PLEKHG3: variants seen among roughly 807,000 people sequenced by gnomAD.
The protein encoded by PLEKHG3 is pleckstrin homology and RhoGEF domain containing G3.
In PLEKHG3, 62 loss-of-function variants were observed where a neutral mutation model predicts 94.9. The observed-to-expected ratio is 0.65, with a 90% CI of 0.53 to 0.81. PLEKHG3 has a LOEUF of 0.81. PLEKHG3 is among the 30% of genes least tolerant of loss of function. PLEKHG3 has a pLI of 0.00. For missense variants in PLEKHG3, 1,461 were observed against 1,619.3 expected (o/e 0.90, Z 1.68); for synonymous variants, 614 against 654.0 (o/e 0.94, Z 0.93).
intron 1 of PLEKHG3, among the ~76,000 whole-genome samples, chr14:64,705,807 C>T (rs1189778248): frequency 1.3e-5 from 2 of 152,182 alleles, no homozygotes; most frequent in Admixed American, 1.3e-4. Context: ...GTGATTAAAC[C>T]CCAGCTGTTC....
intron 1 of PLEKHG3, among the ~76,000 whole-genome samples, chr14:64,713,704 TC>T (rs2139362489): frequency 6.6e-6 from 1 of 152,322 alleles, no homozygotes; most frequent in Admixed American, 6.5e-5. Context: ...CTAAAGTCTA[TC>T]CTTAGTTCTA....
chr14:64,726,172 A>G lies in PLEKHG3; in HGVS notation c.-39-1421A>G, dbSNP rs1220655113. Among the ~76,000 whole-genome samples the G allele has an allele frequency of 6.6e-6, 1 of 152,126 alleles. No homozygotes were observed. Among genetic ancestry groups the G allele is most frequent in the Non-Finnish European group, 1.5e-5 (1 of 68,016 alleles). ...GGGACGAGATAACGCCAAGGCAGAGAGAACATTTGCAAAAGCCGGAGACCC... is the reference window on the plus strand; with the variant it reads ...GGGACGAGATAACGCCAAGGCAGAGGGAACATTTGCAAAAGCCGGAGACCC... On this transcript the variant is annotated intron_variant, in intron 1 of 16. Coordinates refer to ENST00000247226, the MANE Select transcript of PLEKHG3 (RefSeq NM_001308147.2). This position sits in a 1 kb window ranked among gnomAD's most constrained non-coding sequence, Gnocchi z 5.1.
intron 16 of PLEKHG3, 96 bp from the exon 17 acceptor site, chr14:64,742,886 C>G (rs1005708939): frequency 9.1e-6 from 11 of 1,204,468 alleles, no homozygotes; most frequent in African/African-American, 1.5e-5. Flanking sequence ...CAACAACCAG[C>G]CTTGCCTGGA....
chr14:64,729,967 G>A (rs2081428050), intron 3 of PLEKHG3, among the ~76,000 whole-genome samples: 1 of 152,236 alleles, frequency 6.6e-6, no homozygotes. Context: ...CAGAGGAGCT[G>A]TGTCCCCTCC....
chr14:64,720,945 C>G lies in PLEKHG3; in HGVS notation c.-39-6648C>G, dbSNP rs2081252825. ...TCCCTCTGCTTTTATTGTCAAACTT[C>G]TGTCTGACTCTGACTCCTGCCGGAT... On this transcript the variant is annotated intron_variant, in intron 1 of 16. Coordinates refer to ENST00000247226, the MANE Select transcript of PLEKHG3 (RefSeq NM_001308147.2). The surrounding 1 kb of genome is among the most constrained non-coding windows in gnomAD (Gnocchi z 4.1). Among the ~76,000 whole-genome samples the G allele has an allele frequency of 6.6e-6, 1 of 152,208 alleles. No homozygotes were observed.
chr14:64,743,123 C>T lies in PLEKHG3; in HGVS notation c.3080C>T (p.Thr1027Ile). The stretch of plus-strand genomic sequence containing the variant: ...CCGTCTGCTGTCAGCCAGAGGACCA[C>T]CTCGCCTGGGGGCCGGCCCTCCGCC... ...FNPSAVSQRT[T>I]SPGGRPSARS... The change falls in exon 17 of 17, where the codon ACC becomes ATC. Residue 1027 changes from threonine (T) to isoleucine (I), a missense_variant. Transcript: ENST00000247226. This position sits in a 1 kb window ranked among gnomAD's most constrained non-coding sequence, Gnocchi z 7.2. 9 of 1,612,374 alleles carry T rather than the reference C, an allele frequency of 5.6e-6. No homozygotes were observed. Among genetic ancestry groups the T allele is most frequent in the Non-Finnish European group, 7.6e-6 (9 of 1,179,972 alleles).
chr14:64,735,521 GATCAC>G (rs2081552905), intron 12 of PLEKHG3, among the ~76,000 whole-genome samples: 1 of 152,186 alleles, frequency 6.6e-6, no homozygotes, highest in African/African-American at 2.4e-5. Context: ...GAGGTGGGAG[GATCAC>G]TTGAGCCTGG....
Position 64,743,856 on chromosome 14 carries a change from T to C in PLEKHG3, c.*153T>C. On this transcript the variant is annotated 3_prime_UTR_variant, in exon 17 of 17. Transcript: ENST00000247226. The surrounding 1 kb of genome is among the most constrained non-coding windows in gnomAD (Gnocchi z 7.2). ...CCGCCCTTCAGGAAGGATGCTCCCG[T>C]GTGCAGGGGTCTCCTGCCTGTGCCA... 1 of 765,894 alleles carries C rather than the reference T, an allele frequency of 1.3e-6. No individual in the cohort carries two copies. The highest frequency in any genetic ancestry group is 2.0e-6 in the Non-Finnish European group (1 of 501,856). 47.4% of individuals were successfully genotyped at this position (765,894 alleles called of 1,614,324 possible).
Position 64,715,076 on chromosome 14 carries a change from G to A in PLEKHG3, c.-40+10372G>A, listed in dbSNP as rs894217874. Among the ~76,000 whole-genome samples, 1 of 152,180 alleles carries A rather than the reference G, an allele frequency of 6.6e-6. No individual in the cohort carries two copies. The highest frequency in any genetic ancestry group is 2.4e-5 in the African/African-American group (1 of 41,426). On this transcript the variant is annotated intron_variant, in intron 1 of 16. Coordinates refer to ENST00000247226, the MANE Select transcript of PLEKHG3 (RefSeq NM_001308147.2). The surrounding 1 kb of genome is among the most constrained non-coding windows in gnomAD (Gnocchi z 4.4). Reference sequence around the variant, plus strand: ...GTGTGGGTGGAGAAGGAAGGCCTGTGTCTTGGGGTTGTCTACTGCTGGTTA... The same window carrying A: ...GTGTGGGTGGAGAAGGAAGGCCTGTATCTTGGGGTTGTCTACTGCTGGTTA...
chr14:64,727,818 A>G lies in PLEKHG3; in HGVS notation c.187A>G (p.Asn63Asp), dbSNP rs942004206. 70 of 1,612,436 alleles carry G rather than the reference A, an allele frequency of 4.3e-5. No homozygotes were observed. Among genetic ancestry groups the G allele is most frequent in the Non-Finnish European group, 5.8e-5 (68 of 1,178,972 alleles). The change falls in exon 2 of 17, where the codon AAC becomes GAC. Residue 63 changes from asparagine to aspartate, a missense_variant. Physicochemically the swap from Asn to Asp is conservative, Grantham distance 23. Coordinates refer to ENST00000247226, the MANE Select transcript of PLEKHG3 (RefSeq NM_001308147.2). The surrounding 1 kb of genome is among the most constrained non-coding windows in gnomAD (Gnocchi z 6.0). ...AAGCCGGCATCTGCCCAACAGCAAC[A>G]ACAACTCCAGCAGCTGGTTGAACGT... ...LRSRHLPNSN[N>D]NSSSWLNVKG...
rs2081166673 is a variant in PLEKHG3, at chr14:64,716,552, A to ACACACACAC, written c.-39-11041_-39-11040insCACACACAC. ...ACACACACACACACACACACACACA[A>ACACACACAC]AGCAGAGTTAATCTCCCACTTCTTC... On this transcript the variant is annotated intron_variant, in intron 1 of 16. Transcript: ENST00000247226. The surrounding 1 kb of genome is among the most constrained non-coding windows in gnomAD (Gnocchi z 5.0). Among the ~76,000 whole-genome samples the ACACACACAC allele has an allele frequency of 1.3e-5, 1 of 74,710 alleles. No individual in the cohort carries two copies. The highest frequency in any genetic ancestry group is 2.9e-5 in the Non-Finnish European group (1 of 33,956). 49.0% of individuals were successfully genotyped at this position (74,710 alleles called of 152,430 possible).
intron 1 of PLEKHG3, among the ~76,000 whole-genome samples, chr14:64,705,156 G>T (rs927741047): frequency 3.3e-5 from 5 of 152,162 alleles, no homozygotes; most frequent in Admixed American, 1.3e-4. Context: ...GGTTGGCGCC[G>T]CACGGTGCTC....
rs1454067032 is a variant in PLEKHG3, at chr14:64,745,310, G to T, written c.*1607G>T. ...AATTTTTTTTCTAGCTGGGGCCTGG[G>T]AGGTAGAGGCTTCAGGGCCTGGGTG... On this transcript the variant is annotated 3_prime_UTR_variant, in exon 17 of 17. Transcript: ENST00000247226. The surrounding 1 kb of genome is among the most constrained non-coding windows in gnomAD (Gnocchi z 5.0). 1 of 152,246 alleles carries T rather than the reference G, an allele frequency of 6.6e-6. No individual in the cohort carries two copies. Among genetic ancestry groups the T allele is most frequent in the Non-Finnish European group, 1.5e-5 (1 of 68,062 alleles). 9.4% of individuals were successfully genotyped at this position (152,246 alleles called of 1,614,324 possible).
At chr14:64,707,000 A>C (rs2080981866) in intron 1 of PLEKHG3, among the ~76,000 whole-genome samples, 1 of 152,208 alleles carries the variant, frequency 6.6e-6, no homozygotes. Context: ...TTGCAGCTGC[A>C]CTGAGGGCTG....
rs573240907 is a variant in PLEKHG3, at chr14:64,712,229, G to C, written c.-40+7525G>C. 3.3e-5 allele frequency among the ~76,000 whole-genome samples: 5 copies of C among 152,134 alleles called. No homozygotes were observed. In the East Asian group the frequency reaches 9.6e-4, roughly 29 times the overall value. ...GTACCATATAGTCTTGATAACTATA[G>C]CTTTGTAGTAAGTTTTGAAATCAGG... On this transcript the variant is annotated intron_variant, in intron 1 of 16. Transcript: ENST00000247226.
rs200958408 is a variant in PLEKHG3 at position 64,743,127 on chromosome 14, G to A, written c.3084G>A (p.Ser1028=). 37 of 1,612,020 alleles carry A rather than the reference G, an allele frequency of 2.3e-5. No homozygotes were observed. The African/African-American group carries it at 2.4e-4, about 10-fold the overall frequency. ...NPSAVSQRTT[S]PGGRPSARSP... ...CTGCTGTCAGCCAGAGGACCACCTC[G>A]CCTGGGGGCCGGCCCTCCGCCCGGA... The change falls in exon 17 of 17, where the codon TCG becomes TCA. Residue 1028 remains serine, a synonymous_variant. Coordinates refer to ENST00000247226, the MANE Select transcript of PLEKHG3 (RefSeq NM_001308147.2). The surrounding 1 kb of genome is among the most constrained non-coding windows in gnomAD (Gnocchi z 7.2).
At chr14:64,737,969 G>C (rs2081605659) in intron 14 of PLEKHG3, 1 of 1,238,054 alleles carries the variant, frequency 8.1e-7, no homozygotes, top group Admixed American at 2.7e-5. Flanking sequence ...AGGAAGAGGA[G>C]GAGGTGGTGG....
Position 64,728,151 on chromosome 14 carries a change from T to C in PLEKHG3, c.351+169T>C, listed in dbSNP as rs1226049303. On this transcript the variant is annotated intron_variant, in intron 2 of 16. Coordinates refer to ENST00000247226, the MANE Select transcript of PLEKHG3 (RefSeq NM_001308147.2). This position sits in a 1 kb window ranked among gnomAD's most constrained non-coding sequence, Gnocchi z 5.9. ...TGACCCCTGAGGCTTCCCTAGGACC[T>C]TGGGCCAGATCAGTAGCTTGGGCCG... Among the ~76,000 whole-genome samples the C allele has an allele frequency of 2.0e-5, 3 of 152,224 alleles. No individual in the cohort carries two copies. The highest frequency in any genetic ancestry group is 7.2e-5 in the African/African-American group (3 of 41,464).
rs2081155917 is a variant in PLEKHG3, at chr14:64,716,475, ACACACAACACACACACACACAACACAC to A, written c.-39-11117_-39-11091del. On this transcript the variant is annotated intron_variant, in intron 1 of 16. Coordinates refer to ENST00000247226, the MANE Select transcript of PLEKHG3 (RefSeq NM_001308147.2). The surrounding 1 kb of genome is among the most constrained non-coding windows in gnomAD (Gnocchi z 5.0). Reference sequence around the variant, plus strand: ...ACACACACACACACACAACACACACACACACAACACACACACACACAACACACACACACACACACACACACACACACA... The same window carrying A: ...ACACACACACACACACAACACACACAACACACACACACACACACACACACA... 7.3e-6 allele frequency among the ~76,000 whole-genome samples: 1 copy of A among 136,848 alleles called. No homozygotes were observed. Among genetic ancestry groups the A allele is most frequent in the Non-Finnish European group, 1.6e-5 (1 of 64,238 alleles). The allele number at this position is 136,848 out of a possible 152,430, so 89.8% of individuals were successfully genotyped here.
Sources: allele counts gnomAD v4.1 joint callset (sites outside exome capture counted in the v4.1 genomes callset), GRCh38; gene constraint gnomAD v4.1.1; non-coding constraint Gnocchi (gnomAD v3.1); transcripts MANE v1.5; gene names NCBI Gene and HGNC (gene_info 2026-07-23, HGNC 2026-07-21).